Variants in CHD9 observed in about 807,000 individuals in gnomAD.
CHD9 encodes the protein ATP-dependent chromatin remodeler CHD9.
In CHD9, 77 loss-of-function variants were observed where a neutral mutation model predicts 316.1. That is an observed-to-expected ratio of 0.24 (90% CI 0.20 to 0.29). The LOEUF (loss-of-function observed/expected upper bound fraction) is 0.29, where lower values mean the gene tolerates loss of function less well. Ranked by LOEUF, CHD9 falls within the 10% of genes least tolerant of loss-of-function variation. The pLI is 1.00. For missense variants in CHD9, 2,763 were observed against 3,438.1 expected (o/e 0.80, Z 4.91); for synonymous variants, 1,129 against 1,158.3 (o/e 0.97, Z 0.51).
chr16:53,197,691 G>C (rs1370556012), intron 2 of CHD9, among the ~76,000 whole-genome samples: 1 of 146,988 alleles, frequency 6.8e-6, no homozygotes, highest in African/African-American at 2.5e-5. Flanking sequence ...GAGTCTCGCT[G>C]TATCACCCAG....
intron 8 of CHD9, among the ~76,000 whole-genome samples, chr16:53,230,333 A>G (rs1390170524): frequency 6.6e-6 from 1 of 152,126 alleles, no homozygotes; most frequent in East Asian, 1.9e-4. Flanking sequence ...CACCTCAAAA[A>G]TGTGGGCTGG....
Position 53,285,627 on chromosome 16 carries a change from C to T in CHD9, c.4999C>T (p.His1667Tyr), listed in dbSNP as rs374132613. ...TGATGTTTGGGTACCAGAACCAGAC[C>T]ACTCAGAAGTTCCTGCTGAGTGGTG... ...DIDVWVPEPD[H>Y]SEVPAEWWDF... The change falls in exon 25 of 39, where the codon CAC (histidine) becomes TAC (tyrosine). Residue 1667 changes from histidine to tyrosine, a missense_variant. Transcript: ENST00000447540. The T allele has an allele frequency of 2.4e-5, 39 of 1,605,176 alleles. No homozygotes were observed. The highest frequency in any genetic ancestry group is 3.2e-5 in the Non-Finnish European group (38 of 1,175,296).
chr16:53,205,441 A>G (rs559087681), intron 2 of CHD9, among the ~76,000 whole-genome samples: 5 of 152,306 alleles, frequency 3.3e-5, no homozygotes, highest in Admixed American at 6.5e-5. Flanking sequence ...AATACAATTA[A>G]GTAGATTTGG....
At chr16:53,078,541 A>G (rs893820138) in intron 1 of CHD9, among the ~76,000 whole-genome samples, 2 of 152,198 alleles carry the variant, frequency 1.3e-5, no homozygotes, top group Non-Finnish European at 2.9e-5. Context: ...ACTAGTCTGT[A>G]GTATTCTGTT....
chr16:53,193,611 G>A (rs531022838), intron 2 of CHD9, among the ~76,000 whole-genome samples: 2 of 152,070 alleles, frequency 1.3e-5, no homozygotes, highest in South Asian at 2.1e-4. Context: ...CATTCAAATC[G>A]TTGGCCCATT....
intron 10 of CHD9, among the ~76,000 whole-genome samples, chr16:53,234,114 T>C (rs559087098): frequency 6.6e-6 from 1 of 152,318 alleles, no homozygotes; most frequent in Admixed American, 6.5e-5. Context: ...ATATCAAAAG[T>C]TATTTTGGAT....
At chr16:53,095,575 A>G (rs1471276279) in intron 1 of CHD9, among the ~76,000 whole-genome samples, 1 of 150,726 alleles carries the variant, frequency 6.6e-6, no homozygotes, top group Non-Finnish European at 1.5e-5. Context: ...AATTAAAACA[A>G]AAAAGAATAT....
At chr16:53,225,759 C>T (rs2047602310) in intron 4 of CHD9, among the ~76,000 whole-genome samples, 1 of 151,942 alleles carries the variant, frequency 6.6e-6, no homozygotes, top group African/African-American at 2.4e-5. Context: ...TTGTGCATTT[C>T]TTTTTAAATA....
intron 34 of CHD9, among the ~76,000 whole-genome samples, chr16:53,309,498 A>G (rs1015984403): frequency 6.6e-6 from 1 of 152,202 alleles, no homozygotes; most frequent in Non-Finnish European, 1.5e-5. Flanking sequence ...TCTCCCCTAC[A>G]AACTATCTGT....
chr16:53,196,769 C>G (rs913083768), intron 2 of CHD9, among the ~76,000 whole-genome samples: 13 of 152,232 alleles, frequency 8.5e-5, no homozygotes, highest in Admixed American at 2.0e-4. Context: ...TAGGATTGCA[C>G]TTTTCTGTAA....
chr16:53,153,542 T>C (rs2041281002), intron 1 of CHD9, among the ~76,000 whole-genome samples: 1 of 152,144 alleles, frequency 6.6e-6, no homozygotes, highest in African/African-American at 2.4e-5. Flanking sequence ...TCTTCGTTTG[T>C]TTTGGAGACA....
chr16:53,101,751 G>C (rs1319715318), intron 1 of CHD9, among the ~76,000 whole-genome samples: 1 of 152,118 alleles, frequency 6.6e-6, no homozygotes, highest in Non-Finnish European at 1.5e-5. Context: ...CCCTAGTATT[G>C]TATACACTTT....
chr16:53,149,657 T>C (rs1416273525), intron 1 of CHD9, among the ~76,000 whole-genome samples: 1 of 150,628 alleles, frequency 6.6e-6, no homozygotes, highest in Non-Finnish European at 1.5e-5. Context: ...CAGGAGATCC[T>C]CCAGCCTCAG....
chr16:53,217,706 G>T (rs941136651), intron 3 of CHD9, among the ~76,000 whole-genome samples: 1 of 152,038 alleles, frequency 6.6e-6, no homozygotes, highest in East Asian at 1.9e-4. Context: ...AGTTTTCAAG[G>T]TTCATTGTAA....
At chr16:53,136,968 A>G (rs1476640132) in intron 1 of CHD9, among the ~76,000 whole-genome samples, 1 of 151,900 alleles carries the variant, frequency 6.6e-6, no homozygotes, top group African/African-American at 2.4e-5. Flanking sequence ...TTGTGAGACT[A>G]ATCTGTGTTT....
At chr16:53,228,673 T>C (rs1406369245) in intron 7 of CHD9, among the ~76,000 whole-genome samples, 2 of 151,954 alleles carry the variant, frequency 1.3e-5, no homozygotes, top group Non-Finnish European at 2.9e-5. Context: ...ACAAGTTAGC[T>C]TTCTGATAAT....
Position 53,245,678 on chromosome 16 carries a change from A to G in CHD9, c.3282A>G (p.Glu1094=), listed in dbSNP as rs1400383074. 3 of 1,609,470 alleles carry G rather than the reference A, an allele frequency of 1.9e-6. No homozygotes were observed. Among genetic ancestry groups the G allele is most frequent in the Non-Finnish European group, 2.5e-6 (3 of 1,178,424 alleles). The part of the protein sequence containing the change: ...EDVEKKLAPK[E]ETIIEVELTN... ...TGGAAAAGAAGTTGGCACCTAAAGAAGAAACCATCATTGAAGTAGAACTTA... is the reference window on the plus strand; with the variant it reads ...TGGAAAAGAAGTTGGCACCTAAAGAGGAAACCATCATTGAAGTAGAACTTA... Residue 1094 remains glutamate (E), a synonymous_variant, in exon 15 of 39, where the codon GAA becomes GAG. Coordinates refer to ENST00000447540, the MANE Select transcript of CHD9 (RefSeq NM_001308319.2). The surrounding 1 kb of genome is among the most constrained non-coding windows in gnomAD (Gnocchi z 4.1).
At chr16:53,243,602 T>G (rs1282102652) in intron 13 of CHD9, among the ~76,000 whole-genome samples, 2 of 152,186 alleles carry the variant, frequency 1.3e-5, no homozygotes, top group Non-Finnish European at 1.5e-5. Context: ...CGTGAGCCTG[T>G]AATTTTTTGT....
chr16:53,129,256 T>C (rs2152674172), intron 1 of CHD9, among the ~76,000 whole-genome samples: 2 of 152,348 alleles, frequency 1.3e-5, no homozygotes, highest in African/African-American at 4.8e-5. Flanking sequence ...CATTCTGCTG[T>C]GATGTCAGAT....
Sources: gnomAD v4.1 joint callset for allele counts (sites outside exome capture counted in the v4.1 genomes callset) on GRCh38, gnomAD v4.1.1 for gene constraint, Gnocchi (gnomAD v3.1) non-coding constraint, MANE v1.5 for transcripts, NCBI Gene and HGNC (gene_info 2026-07-23, HGNC 2026-07-21) for gene names.